Variants in KCNT2 observed in about 807,000 individuals in gnomAD.
KCNT2 encodes potassium sodium-activated channel subfamily T member 2.
In KCNT2, 67 loss-of-function variants were observed where a neutral mutation model predicts 153.8. That is an observed-to-expected ratio of 0.44 (90% CI 0.36 to 0.53). The LOEUF is 0.53. KCNT2 is among the 20% of genes least tolerant of loss of function. The pLI is 0.00. For synonymous variants in KCNT2, 500 were observed against 458.8 expected (o/e 1.09, Z -1.15); for missense variants, 975 against 1,354.8 (o/e 0.72, Z 4.40).
At chr1:196,276,251 T>C (rs1208534390) in intron 25 of KCNT2, among the ~76,000 whole-genome samples, 1 of 152,070 alleles carries the variant, frequency 6.6e-6, no homozygotes, top group African/African-American at 2.4e-5. Context: ...CTAAGTATAC[T>C]TTACAGATAA....
chr1:196,400,986 C>T (rs1333152651), intron 12 of KCNT2, among the ~76,000 whole-genome samples: 1 of 151,788 alleles, frequency 6.6e-6, no homozygotes, highest in Non-Finnish European at 1.5e-5. Context: ...GCCAGAACAA[C>T]AAGCGAATGG....
chr1:196,574,583 C>T (rs1230921894), intron 1 of KCNT2, among the ~76,000 whole-genome samples: 2 of 151,690 alleles, frequency 1.3e-5, no homozygotes, highest in Non-Finnish European at 2.9e-5. Context: ...GTTAAATATT[C>T]CAAATTTCGA....
chr1:196,486,720 A>C (rs78794996), intron 3 of KCNT2, among the ~76,000 whole-genome samples: 2 of 143,406 alleles, frequency 1.4e-5, no homozygotes, highest in African/African-American at 5.1e-5. Context: ...CTAAAAAAAA[A>C]CCCTAATATA....
At chr1:196,367,893 GC>G (rs1668177318) in intron 14 of KCNT2, among the ~76,000 whole-genome samples, 1 of 152,122 alleles carries the variant, frequency 6.6e-6, no homozygotes, top group Admixed American at 6.6e-5. Context: ...GCAATAATCT[GC>G]CCCTTTGACA....
chr1:196,551,469 T>C (rs1159030652), intron 1 of KCNT2, among the ~76,000 whole-genome samples: 2 of 151,736 alleles, frequency 1.3e-5, no homozygotes, highest in Non-Finnish European at 2.9e-5. Context: ...ATTACTTTGC[T>C]ATTTCATTGA....
chr1:196,247,183 G>A (rs939200673), intron 26 of KCNT2, among the ~76,000 whole-genome samples: 1 of 152,024 alleles, frequency 6.6e-6, no homozygotes, highest in South Asian at 2.1e-4. Flanking sequence ...TATAAAAAGA[G>A]ACAAAGGTCA....
At chr1:196,500,316 G>C (rs534858856) in intron 1 of KCNT2, among the ~76,000 whole-genome samples, 1 of 113,658 alleles carries the variant, frequency 8.8e-6, no homozygotes, top group Non-Finnish European at 1.9e-5. Flanking sequence ...GAGGGAGGGA[G>C]GGAGGGAAAG....
In KCNT2 at chr1:196,587,945, CA is replaced by C. The variant is rs376884571; in HGVS notation, c.95+20269del. Among the ~76,000 whole-genome samples the C allele has an allele frequency of 2.9e-4, 44 of 152,114 alleles. No individual in the cohort carries two copies. The East Asian group carries it at 5.8e-3, about 20-fold the overall frequency. ...TGAGAGAAAAATTCATTCATCTTTT[CA>C]AAAATGGTAGCACTTGCTGGCTCAA... On this transcript the variant is annotated intron_variant, in intron 1 of 27. Transcript: ENST00000294725.
intron 14 of KCNT2, among the ~76,000 whole-genome samples, chr1:196,372,022 G>T (rs1255961964): frequency 2.0e-5 from 3 of 151,942 alleles, no homozygotes; most frequent in African/African-American, 7.2e-5. Context: ...TTATTTAATT[G>T]CATCAAAATG....
In KCNT2 at chr1:196,586,773, T is replaced by G. The variant is rs76730392; in HGVS notation, c.95+21442A>C. On this transcript the variant is annotated intron_variant, in intron 1 of 27. Coordinates refer to ENST00000294725, the MANE Select transcript of KCNT2 (RefSeq NM_198503.5). Reference sequence around the variant, plus strand: ...ACAATTTACAATCTCTTCCACCATATCTTACCATTACAAACTATATATTCT... The same window carrying G: ...ACAATTTACAATCTCTTCCACCATAGCTTACCATTACAAACTATATATTCT... Among the ~76,000 whole-genome samples, 934 of 152,158 alleles carry G rather than the reference T, an allele frequency of 6.1e-3. 7 individuals are homozygous for G. The highest frequency in any genetic ancestry group is 0.011 in the Non-Finnish European group (739 of 67,968).
chr1:196,480,728 C>A (rs58705192), intron 4 of KCNT2, among the ~76,000 whole-genome samples: 2,587 of 151,476 alleles, frequency 0.017, 75 homozygotes, highest in African/African-American at 0.058. Context: ...TGGTGGCGGG[C>A]GCCTGTAGTC....
At chr1:196,294,005 C>T (rs1462278060) in intron 22 of KCNT2, among the ~76,000 whole-genome samples, 1 of 151,944 alleles carries the variant, frequency 6.6e-6, no homozygotes, top group Non-Finnish European at 1.5e-5. Flanking sequence ...AACTCAACAG[C>T]AATAAAACAC....
In KCNT2 at chr1:196,426,692, C is replaced by T. The variant is rs1294802350; in HGVS notation, c.985-704G>A. Among the ~76,000 whole-genome samples, 4 of 151,750 alleles carry T rather than the reference C, an allele frequency of 2.6e-5. No homozygotes were observed. In the South Asian group the frequency reaches 6.2e-4, roughly 24 times the overall value. ...TTTCTGGAGTTTAAATAATTCTCTA[C>T]ATTGATACTAGATAAAGTTAATGAC... On this transcript the variant is annotated intron_variant, in intron 10 of 27. Transcript: ENST00000294725.
At chr1:196,428,900 T>C (rs1673888579) in intron 9 of KCNT2, among the ~76,000 whole-genome samples, 1 of 152,088 alleles carries the variant, frequency 6.6e-6, no homozygotes, top group Non-Finnish European at 1.5e-5. Flanking sequence ...TAGGAAAGAG[T>C]TAGAGATTGC....
intron 8 of KCNT2, among the ~76,000 whole-genome samples, chr1:196,447,563 C>G (rs965152723): frequency 2.0e-5 from 3 of 151,304 alleles, no homozygotes; most frequent in African/African-American, 7.3e-5. Context: ...ATCATCCAGG[C>G]AAGAGATAAT....
At position 196,227,370 on chromosome 1, in the gene KCNT2, A is replaced by G. The variant is rs545522481; in HGVS notation, c.*854T>C. The G allele has an allele frequency of 2.8e-4, 43 of 152,176 alleles. No homozygotes were observed. Among genetic ancestry groups the G allele is most frequent in the African/African-American group, 1.0e-3 (43 of 41,588 alleles). 9.4% of individuals were successfully genotyped at this position (152,176 alleles called of 1,614,324 possible). A position where few individuals can be genotyped will look rare whatever the true frequency, so the allele number is the denominator to read the frequency against. ...TGGTAAAGTTCAAGAGTCTAAGGAC[A>G]ATCATTACTGTATATTTCAAGATAT... On this transcript the variant is annotated 3_prime_UTR_variant, in exon 28 of 28. Coordinates refer to ENST00000294725, the MANE Select transcript of KCNT2 (RefSeq NM_198503.5).
At chr1:196,474,087 T>C (rs907780907) in intron 5 of KCNT2, among the ~76,000 whole-genome samples, 76 of 152,216 alleles carry the variant, frequency 5.0e-4, no homozygotes, top group African/African-American at 1.8e-3. Context: ...TCAATCCAAT[T>C]AGTCTACATT....
chr1:196,280,508 T>C (rs1658994168), intron 25 of KCNT2, among the ~76,000 whole-genome samples: 1 of 152,226 alleles, frequency 6.6e-6, no homozygotes, highest in African/African-American at 2.4e-5. Flanking sequence ...AAATCTAGGT[T>C]GCTTGCCCTG....
intron 17 of KCNT2, among the ~76,000 whole-genome samples, chr1:196,331,990 C>A (rs565562308): frequency 6.6e-6 from 1 of 151,964 alleles, no homozygotes; most frequent in Admixed American, 6.6e-5. Context: ...ACTTCTAAAA[C>A]GTAGCAGCAT....
Sources: allele counts gnomAD v4.1 joint callset (sites outside exome capture counted in the v4.1 genomes callset), GRCh38; gene constraint gnomAD v4.1.1; transcripts MANE v1.5; gene names NCBI Gene and HGNC (gene_info 2026-07-23, HGNC 2026-07-21).